The following ACADM variants were observed in gnomAD, a reference collection of about 807,000 sequenced individuals.
The protein encoded by ACADM is medium-chain specific acyl-CoA dehydrogenase, mitochondrial.
A neutral mutation model predicts 58.9 loss-of-function variants in ACADM; 49 were observed. The observed-to-expected ratio is 0.83, with a 90% CI of 0.66 to 1.06. The LOEUF (loss-of-function observed/expected upper bound fraction) is 1.06. Among genes scored for constraint, ACADM ranks in the 50% least tolerant of loss-of-function variants. The pLI is 0.00. For synonymous variants in ACADM, 160 were observed against 157.7 expected, an observed-to-expected ratio of 1.01 and a Z score of -0.11; for missense variants, 496 against 507.0, an observed-to-expected ratio of 0.98 and a Z score of 0.21.
intron 2 of ACADM, among the ~76,000 whole-genome samples, chr1:75,731,966 A>G (rs1647156072): frequency 6.6e-6 from 1 of 152,194 alleles, no homozygotes; most frequent in Non-Finnish European, 1.5e-5. Flanking sequence ...CATTTGGGCA[A>G]CATGGCAAAA....
At chr1:75,743,868 A>G (rs879207773) in intron 7 of ACADM, 3 of 1,420,754 alleles carry the variant, frequency 2.1e-6, no homozygotes, top group Non-Finnish European at 2.0e-6. Context: ...TGGTTATATC[A>G]TCAATCACTG....
Position 75,762,804 on chromosome 1 carries a change from C to T in ACADM, c.*41C>T, listed in dbSNP as rs1017029118. 4 of 1,260,128 alleles carry T rather than the reference C, an allele frequency of 3.2e-6. No homozygotes were observed. Among genetic ancestry groups the T allele is most frequent in the Non-Finnish European group, 4.6e-6 (4 of 866,834 alleles). 78.1% of individuals were successfully genotyped at this position (1,260,128 alleles called of 1,614,324 possible). ...AATATTGAATAACTAGAACACAAGC[C>T]ACTGTTTCAGCTCCAGAAAAAAGAA... On this transcript the variant is annotated 3_prime_UTR_variant, in exon 12 of 12. Coordinates refer to ENST00000370841, the MANE Select transcript of ACADM (RefSeq NM_000016.6).
In ACADM at chr1:75,758,753, G is replaced by A. The variant is rs374914068; in HGVS notation, c.946-2369G>A. On this transcript the variant is annotated intron_variant, in intron 10 of 11. Transcript: ENST00000370841. ...ACTGTGTAAAAATGCACGAATCAGCGCTCTGTGTCTAGCTAAAGGATTGTA... is the reference window on the plus strand; with the variant it reads ...ACTGTGTAAAAATGCACGAATCAGCACTCTGTGTCTAGCTAAAGGATTGTA... 6.6e-4 allele frequency among the ~76,000 whole-genome samples: 101 copies of A among 152,238 alleles called. 2 individuals carry two copies. In the South Asian group the frequency reaches 0.02, roughly 30 times the overall value.
Position 75,750,461 on chromosome 1 carries a change from G to C in ACADM, c.860G>C (p.Gly287Ala). The change falls in exon 10 of 12, where the codon GGT (glycine) becomes GCT (alanine). Residue 287 changes from glycine (G) to alanine (A), a missense_variant. Transcript: ENST00000370841. ...FDKTRPVVAA[G>A]AVGLAQRALD... The stretch of plus-strand genomic sequence containing the variant: ...ATCTTAAAATACTAGGTAGCTGCTG[G>C]TGCTGTTGGATTAGCACAAAGAGCT... 6.2e-7 allele frequency: 1 copy of C among 1,611,188 alleles called. No individual in the cohort carries two copies. The highest frequency in any genetic ancestry group is 1.3e-5 in the African/African-American group (1 of 74,974).
chr1:75,756,424 C>CACAT (rs143854056), intron 10 of ACADM, among the ~76,000 whole-genome samples: 99,344 of 151,376 alleles, frequency 0.66, 32,659 homozygotes, highest in East Asian at 0.72. Context: ...ACCAACAACA[C>CACAT]ACAGAGAGCC....
chr1:75,760,552 A>C (rs1648782133), intron 10 of ACADM, among the ~76,000 whole-genome samples: 1 of 63,810 alleles, frequency 1.6e-5, no homozygotes, highest in African/African-American at 7.6e-5. Context: ...CTCAAAAAAA[A>C]AAAAAAAAAA....
Position 75,750,484 on chromosome 1 carries a change from G to C in ACADM, c.883G>C (p.Ala295Pro). The C allele has an allele frequency of 6.2e-7, 1 of 1,612,420 alleles. No homozygotes were observed. The highest frequency in any genetic ancestry group is 8.5e-7 in the Non-Finnish European group (1 of 1,179,848). ...AAGAVGLAQR[A>P]LDEATKYALE... ...TGGTGCTGTTGGATTAGCACAAAGA[G>C]CTTTGGATGAAGCTACCAAGTATGC... The change falls in exon 10 of 12, where the codon GCT becomes CCT. Residue 295 changes from alanine (A) to proline (P), a missense_variant. By Grantham distance (27) the Ala-to-Pro change is conservative (BLOSUM62 -1). Coordinates refer to ENST00000370841, the MANE Select transcript of ACADM (RefSeq NM_000016.6).
rs71071962 is a variant in ACADM at position 75,753,795 on chromosome 1, C to CTTTTTTTTTTTTTTTT, written c.945+3253_945+3268dup. On this transcript the variant is annotated intron_variant, in intron 10 of 11. Transcript: ENST00000370841. ...GCACTCTGCAAAATGCTGATAGCTTCTTTTTTTTTTTTTTTTTTTGAGACA... is the reference window on the plus strand; with the variant it reads ...GCACTCTGCAAAATGCTGATAGCTTCTTTTTTTTTTTTTTTTTTTTTTTTTTTTTTTTTTTGAGACA... Among the ~76,000 whole-genome samples, 572 of 81,852 alleles carry CTTTTTTTTTTTTTTTT rather than the reference C, an allele frequency of 7.0e-3. 74 individuals are homozygous for CTTTTTTTTTTTTTTTT. Among genetic ancestry groups the CTTTTTTTTTTTTTTTT allele is most frequent in the African/African-American group, 0.01 (168 of 16,462 alleles). The allele number at this position is 81,852 out of a possible 152,430, so 53.7% of individuals were successfully genotyped here.
At chr1:75,761,480 C>A in intron 11 of ACADM, 110 bp downstream of exon 11, 2 of 1,216,594 alleles carry the variant, frequency 1.6e-6, no homozygotes, top group Non-Finnish European at 1.2e-6. Flanking sequence ...CAATAAATGA[C>A]TGTCATATAT....
chr1:75,729,263 AT>A (rs1272408067), intron 2 of ACADM, among the ~76,000 whole-genome samples: 1 of 115,214 alleles, frequency 8.7e-6, no homozygotes, highest in African/African-American at 3.3e-5. Context: ...ATTTAATGAA[AT>A]TTTTCTTTTC....
intron 6 of ACADM, among the ~76,000 whole-genome samples, chr1:75,736,167 C>T (rs1467473749): frequency 3.6e-4 from 33 of 91,890 alleles, no homozygotes; most frequent in Admixed American, 9.1e-4. Context: ...AATACACACA[C>T]AGACATACAC....
At chr1:75,732,403 A>G (rs1570860740) in intron 2 of ACADM, 3 of 497,930 alleles carry the variant, frequency 6.0e-6, no homozygotes, top group Middle Eastern at 5.5e-4. Context: ...CTACAGGTTA[A>G]TATCTATTAC....
intron 1 of ACADM, among the ~76,000 whole-genome samples, chr1:75,728,038 C>T (rs1043340982): frequency 9.9e-5 from 15 of 152,068 alleles, no homozygotes. Flanking sequence ...TCCAGCCTAT[C>T]GTTCTCCCCA....
Position 75,761,510 on chromosome 1 carries a change from GAATT to G in ACADM, c.1194+148_1194+151del, listed in dbSNP as rs964827801. 184 of 870,558 alleles carry G rather than the reference GAATT, an allele frequency of 2.1e-4. 3 individuals are homozygous for G. Among genetic ancestry groups the G allele is most frequent in the South Asian group, 1.6e-3 (109 of 68,022 alleles). The allele number at this position is 870,558 out of a possible 1,614,324, so 53.9% of individuals were successfully genotyped here. A position where few individuals can be genotyped will look rare whatever the true frequency, so the allele number is the denominator to read the frequency against. ...ATATATGGCTGTGAGCCAGTTTTTG[GAATT>G]AATTAATAGAAAGAAGAATGTTATT... is the stretch of plus-strand genomic sequence containing the variant. On this transcript the variant is annotated intron_variant, in intron 11 of 11. Coordinates refer to ENST00000370841, the MANE Select transcript of ACADM (RefSeq NM_000016.6).
In ACADM at chr1:75,745,889, C is replaced by A. The variant is rs149678400; in HGVS notation, c.683C>A (p.Thr228Asn). 1.1e-4 allele frequency: 180 copies of A among 1,612,528 alleles called. No homozygotes were observed. In the Admixed American group the frequency reaches 1.4e-3, roughly 13 times the overall value. The change falls in exon 8 of 12, where the codon ACC (threonine) becomes AAC (asparagine). Residue 228 changes from threonine (T) to asparagine (N), a missense_variant. Transcript: ENST00000370841. ...ACTGGATTCATTGTGGAAGCAGATA[C>A]CCCAGGAATTCAGATTGGGAGAAAG... ...AFTGFIVEADTPGIQIGRKEL... is the reference protein window; with the variant it reads ...AFTGFIVEADNPGIQIGRKEL...
chr1:75,741,812 G>T (rs554353338), intron 7 of ACADM, among the ~76,000 whole-genome samples: 40 of 152,204 alleles, frequency 2.6e-4, no homozygotes, highest in South Asian at 2.5e-3. Flanking sequence ...AGAATTTTTC[G>T]TGTACCAGGA....
chr1:75,736,211 A>G (rs1647259944), intron 6 of ACADM, among the ~76,000 whole-genome samples: 1 of 111,276 alleles, frequency 9.0e-6, no homozygotes, highest in Admixed American at 8.3e-5. Flanking sequence ...CACACGCTCT[A>G]TTCTGAAACT....
Position 75,761,113 on chromosome 1 carries a change from TA to T in ACADM, c.946-7del. On this transcript the variant is annotated splice_region_variant and splice_polypyrimidine_tract_variant and intron_variant, in intron 10 of 11. Coordinates refer to ENST00000370841, the MANE Select transcript of ACADM (RefSeq NM_000016.6). ...AAATATCCTTTAATTTTTTTCTTTT[TA>T]ATTCTAGCACCAAGCAATATCATTT... 4 of 1,613,020 alleles carry T rather than the reference TA, an allele frequency of 2.5e-6. No individual in the cohort carries two copies. The highest frequency in any genetic ancestry group is 3.4e-6 in the Non-Finnish European group (4 of 1,179,464).
At chr1:75,748,158 A>T (rs1043529640) in intron 8 of ACADM, among the ~76,000 whole-genome samples, 3 of 152,234 alleles carry the variant, frequency 2.0e-5, no homozygotes, top group African/African-American at 7.2e-5. Flanking sequence ...ATGATTTAGC[A>T]TAACACTAAT....
Sources: allele counts gnomAD v4.1 joint callset (sites outside exome capture counted in the v4.1 genomes callset), GRCh38; gene constraint gnomAD v4.1.1; transcripts MANE v1.5; gene names NCBI Gene and HGNC (gene_info 2026-07-23, HGNC 2026-07-21).